The following DDX25 variants were observed in gnomAD, a reference collection of about 807,000 sequenced individuals.
The protein encoded by DDX25 is DEAD-box helicase 25.
A neutral mutation model predicts 64.6 loss-of-function variants in DDX25; 70 were observed. That is an observed-to-expected ratio of 1.08 (90% CI 0.89 to 1.32). The LOEUF (loss-of-function observed/expected upper bound fraction) is 1.32. DDX25 is among the 40% of genes most tolerant of loss of function. DDX25 has a pLI of 0.00. For missense variants in DDX25, 587 were observed against 604.4 expected, an observed-to-expected ratio of 0.97 and a Z score of 0.30; for synonymous variants, 211 against 213.3, an observed-to-expected ratio of 0.99 and a Z score of 0.09.
At position 125,906,124 on chromosome 11, in the gene DDX25, G is replaced by C; in HGVS notation, c.226G>C (p.Val76Leu). ...AAACAAGTTAATCCATCAATCCTTA[G>C]TAGAATCCAGTCACCGTGTGGAAGT... ...LLNKLIHQSL[V>L]ESSHRVEVLQ... Residue 76 changes from valine to leucine, a missense_variant, in exon 4 of 12, where the codon GTA (valine) becomes CTA (leucine). Val to Leu is a conservative substitution (Grantham distance 32). Coordinates refer to ENST00000263576, the MANE Select transcript of DDX25 (RefSeq NM_013264.5). 6.4e-7 allele frequency: 1 copy of C among 1,551,192 alleles called. No individual in the cohort carries two copies.
upstream of DDX25, among the ~76,000 whole-genome samples, chr11:125,904,172 G>T (rs1366220527): frequency 6.6e-6 from 1 of 152,226 alleles, no homozygotes; most frequent in African/African-American, 2.4e-5. Context: ...GCTCCCGCCT[G>T]GAGGGCTGTG....
intron 8 of DDX25, among the ~76,000 whole-genome samples, chr11:125,915,799 A>G (rs1591519350): frequency 1.3e-5 from 2 of 152,240 alleles, no homozygotes; most frequent in African/African-American, 2.4e-5. Context: ...TTCTGAGGGA[A>G]CAGTTAGCTG....
chr11:125,905,627 A>G (rs892113333), intron 3 of DDX25, 30 bp downstream of exon 3: 32 of 1,541,400 alleles, frequency 2.1e-5, no homozygotes, highest in Non-Finnish European at 2.5e-5. Context: ...GCATGTATCT[A>G]CTAGCATTCT....
At chr11:125,918,869 G>A in intron 10 of DDX25, 79 bp downstream of exon 10, 1 of 1,431,006 alleles carries the variant, frequency 7.0e-7, no homozygotes, top group Non-Finnish European at 9.3e-7. Flanking sequence ...AGTTTCGCGA[G>A]TTTCGACAAA....
At chr11:125,904,733 C>A in intron 1 of DDX25, 153 bp downstream of exon 1, 2 of 950,380 alleles carry the variant, frequency 2.1e-6, no homozygotes, top group Non-Finnish European at 3.2e-6. Context: ...GGAAGAGGGC[C>A]ACAGAGGGAG....
At chr11:125,905,641 T>A in intron 3 of DDX25, 44 bp downstream of exon 3, 1 of 1,526,984 alleles carries the variant, frequency 6.5e-7, no homozygotes, top group Non-Finnish European at 8.9e-7. Flanking sequence ...GCATTCTGTT[T>A]CCGTTTATAA....
At chr11:125,909,535 G>A (rs956008047) in intron 6 of DDX25, among the ~76,000 whole-genome samples, 7 of 151,838 alleles carry the variant, frequency 4.6e-5, no homozygotes, top group African/African-American at 1.5e-4. Flanking sequence ...GAGTTTGGGG[G>A]AATATTCTGC....
intron 6 of DDX25, 135 bp from the exon 7 acceptor site, chr11:125,910,229 T>C (rs1023814268): frequency 6.0e-6 from 4 of 668,594 alleles, no homozygotes; most frequent in African/African-American, 5.4e-5. Context: ...CTGTATCCAA[T>C]TAAAAATATT....
Position 125,908,493 on chromosome 11 carries a change from T to G in DDX25, c.497T>G (p.Leu166Trp). The G allele has an allele frequency of 6.2e-7, 1 of 1,613,406 alleles. No homozygotes were observed. The highest frequency in any genetic ancestry group is 8.5e-7 in the Non-Finnish European group (1 of 1,179,882). The change falls in exon 6 of 12, where the codon TTG becomes TGG. Residue 166 changes from leucine to tryptophan, a missense_variant. Leu to Trp is a moderately conservative substitution (Grantham distance 61). Coordinates refer to ENST00000263576, the MANE Select transcript of DDX25 (RefSeq NM_013264.5). ...TTAAGCAGAGTTAATGCCTTGGAAT[T>G]GTTCCCACAGGTAAGGGAAGGCTGA... ...AMLSRVNALE[L>W]FPQCLCLAPT... is the part of the protein sequence containing the mutation.
chr11:125,921,060 A>G lies in DDX25; in HGVS notation c.1202-131A>G. 1.1e-6 allele frequency: 1 copy of G among 907,760 alleles called. No homozygotes were observed. The highest frequency in any genetic ancestry group is 2.9e-5 in the Admixed American group (1 of 34,452). The allele number at this position is 907,760 out of a possible 1,614,324, so 56.2% of individuals were successfully genotyped here. ...ACTTCCTAACCAAAGTACCTGTCTC[A>G]ATTACATAAGCCCTGGTTGGATTTC... On this transcript the variant is annotated intron_variant, in intron 10 of 11. Coordinates refer to ENST00000263576, the MANE Select transcript of DDX25 (RefSeq NM_013264.5). The surrounding 1 kb of genome is among the most constrained non-coding windows in gnomAD (Gnocchi z 4.1).
rs1166271578 is a variant in DDX25, at chr11:125,911,470, A to C, written c.782A>C (p.His261Pro). The change falls in exon 8 of 12, where the codon CAT becomes CCT. Residue 261 changes from histidine (H) to proline (P), a missense_variant. Physicochemically the swap from His to Pro is moderately conservative, Grantham distance 77. Transcript: ENST00000263576. The stretch of plus-strand genomic sequence containing the variant: ...ATTGACACTCAAGGATTCTCAGATC[A>C]TAGTATTCGTATTCAAAGGTAATCT... ...VMIDTQGFSD[H>P]SIRIQRALPS... is the part of the protein sequence containing the mutation. 1.2e-6 allele frequency: 2 copies of C among 1,613,740 alleles called. No individual in the cohort carries two copies. Among genetic ancestry groups the C allele is most frequent in the Admixed American group, 1.7e-5 (1 of 59,990 alleles).
rs1013120632 is a variant in DDX25 at position 125,928,774 on chromosome 11, G to T, written c.*5893G>T. Reference sequence around the variant, plus strand: ...ATGTTAATGGTTTCCTTGTCAAGTTGTGTGAAATATATGTGTGAATTTATT... The same window carrying T: ...ATGTTAATGGTTTCCTTGTCAAGTTTTGTGAAATATATGTGTGAATTTATT... On this transcript the variant is annotated 3_prime_UTR_variant, in exon 12 of 12. Coordinates refer to ENST00000263576, the MANE Select transcript of DDX25 (RefSeq NM_013264.5). The T allele has an allele frequency of 6.6e-6, 1 of 152,142 alleles. No homozygotes were observed. Among genetic ancestry groups the T allele is most frequent in the Non-Finnish European group, 1.5e-5 (1 of 68,024 alleles). The allele number at this position is 152,142 out of a possible 1,614,324, so 9.4% of individuals were successfully genotyped here.
At chr11:125,920,533 G>A (rs1270908026) in intron 10 of DDX25, among the ~76,000 whole-genome samples, 1 of 152,198 alleles carries the variant, frequency 6.6e-6, no homozygotes, top group Non-Finnish European at 1.5e-5. Context: ...TGACTGGAGT[G>A]TTGTATTTGA....
Position 125,925,322 on chromosome 11 carries a change from G to A in DDX25, c.*2441G>A, listed in dbSNP as rs765491538. 2.6e-4 allele frequency: 114 copies of A among 433,722 alleles called. 1 individual carries two copies. The Middle Eastern group carries it at 3.1e-3, about 12-fold the overall frequency. The allele number at this position is 433,722 out of a possible 1,614,324, so 26.9% of individuals were successfully genotyped here. A position where few individuals can be genotyped will look rare whatever the true frequency, so the allele number is the denominator to read the frequency against. On this transcript the variant is annotated 3_prime_UTR_variant, in exon 12 of 12. Transcript: ENST00000263576. ...CTGCATGAACCAGGTATTTTTCTGC[G>A]TTCCCTTTTGCCCCCTCCTCACGTC... is the stretch of plus-strand genomic sequence containing the variant.
intron 9 of DDX25, among the ~76,000 whole-genome samples, chr11:125,918,100 C>T (rs1407718864): frequency 2.0e-5 from 3 of 152,078 alleles, no homozygotes; most frequent in African/African-American, 4.8e-5. Context: ...AGGCTGGTCT[C>T]GAACTCCCGA....
chr11:125,910,907 G>C (rs953253096), intron 7 of DDX25, among the ~76,000 whole-genome samples: 4 of 145,982 alleles, frequency 2.7e-5, no homozygotes, highest in African/African-American at 9.9e-5. Flanking sequence ...GCAAGCCTTT[G>C]TGTTTTGCTT....
chr11:125,908,270 C>T lies in DDX25; in HGVS notation c.386C>T (p.Pro129Leu), dbSNP rs1944921469. Residue 129 changes from proline (P) to leucine (L), a missense_variant, in exon 5 of 12, where the codon CCT becomes CTT. Pro to Leu is a moderately conservative substitution (Grantham distance 98). Transcript: ENST00000263576. ...RPSKIQEMAL[P>L]MMLAHPPQNL... The stretch of plus-strand genomic sequence containing the variant: ...TCTAAAATCCAAGAGATGGCTCTCC[C>T]TATGATGCTGGCACATCCGTGAGTT... The T allele has an allele frequency of 6.2e-7, 1 of 1,613,804 alleles. No individual in the cohort carries two copies. Among genetic ancestry groups the T allele is most frequent in the Non-Finnish European group, 8.5e-7 (1 of 1,179,780 alleles).
chr11:125,906,297 C>T, intron 4 of DDX25, 88 bp downstream of exon 4: 2 of 1,396,304 alleles, frequency 1.4e-6, no homozygotes, highest in Non-Finnish European at 9.3e-7. Context: ...ATCAGGATCT[C>T]CTCTTTGTTT....
intron 8 of DDX25, 84 bp downstream of exon 8, chr11:125,911,572 T>C (rs1944969744): frequency 1.5e-6 from 2 of 1,359,454 alleles, no homozygotes; most frequent in Admixed American, 2.3e-5. Flanking sequence ...ATTATCTTTA[T>C]TGCTTAACTC....
Sources: allele counts gnomAD v4.1 joint callset (sites outside exome capture counted in the v4.1 genomes callset), GRCh38; gene constraint gnomAD v4.1.1; non-coding constraint Gnocchi (gnomAD v3.1); transcripts MANE v1.5; gene names NCBI Gene and HGNC (gene_info 2026-07-23, HGNC 2026-07-21).